Variants in MACROD2 observed in about 807,000 individuals in gnomAD.
The protein encoded by MACROD2 is mono-ADP ribosylhydrolase 2.
In MACROD2, 36 loss-of-function variants were observed where a neutral mutation model predicts 70.4. The ratio of observed to expected loss-of-function variants is 0.51; its 90% CI spans 0.39 to 0.68. The LOEUF is 0.68. Ranked by LOEUF, MACROD2 falls within the 30% of genes least tolerant of loss-of-function variation. MACROD2 has a pLI of 0.00. For synonymous variants in MACROD2, 172 were observed against 178.8 expected, an observed-to-expected ratio of 0.96 and a Z score of 0.30; for missense variants, 496 against 538.4, an observed-to-expected ratio of 0.92 and a Z score of 0.78.
At chr20:14,844,919 C>T (rs75680025) in intron 5 of MACROD2, among the ~76,000 whole-genome samples, 11,071 of 152,120 alleles carry the variant, frequency 0.073, 558 homozygotes, top group East Asian at 0.21. Context: ...ATTCCTGTCA[C>T]ATTGAGCTAT....
At chr20:14,029,775 T>C (rs1165960228) in intron 2 of MACROD2, among the ~76,000 whole-genome samples, 3 of 152,212 alleles carry the variant, frequency 2.0e-5, no homozygotes, top group South Asian at 2.1e-4. Context: ...TTGATATTCC[T>C]ATTCTAAAAT....
rs1050347195 is a variant in MACROD2 at position 15,710,565 on chromosome 20, C to T, written c.646-152180C>T. The stretch of plus-strand genomic sequence containing the variant: ...TCATCCAAAAGGGAAGTTATACTCT[C>T]ATTTTATCTCTAACAGATGTGGGCA... On this transcript the variant is annotated intron_variant, in intron 8 of 17. Transcript: ENST00000684519. Among the ~76,000 whole-genome samples, 6 of 152,192 alleles carry T rather than the reference C, an allele frequency of 3.9e-5. No individual in the cohort carries two copies. In the South Asian group the frequency reaches 1.0e-3, roughly 26 times the overall value.
chr20:14,470,615 C>A (rs955264709), intron 3 of MACROD2, among the ~76,000 whole-genome samples: 2 of 152,058 alleles, frequency 1.3e-5, no homozygotes, highest in Non-Finnish European at 2.9e-5. Context: ...TTCAGAGATT[C>A]CCTGCCTAGG....
chr20:14,719,128 A>G (rs1400542157), intron 5 of MACROD2, among the ~76,000 whole-genome samples: 2 of 152,100 alleles, frequency 1.3e-5, no homozygotes, highest in Non-Finnish European at 2.9e-5. Flanking sequence ...GCTACTTGGG[A>G]GTCTGAGGCA....
intron 5 of MACROD2, among the ~76,000 whole-genome samples, chr20:14,830,470 T>G (rs2072952274): frequency 6.6e-6 from 1 of 152,166 alleles, no homozygotes; most frequent in Admixed American, 6.5e-5. Flanking sequence ...CATACTGAGT[T>G]TGTTTTTTAC....
chr20:14,218,828 A>C (rs963191097), intron 3 of MACROD2, among the ~76,000 whole-genome samples: 2 of 152,078 alleles, frequency 1.3e-5, no homozygotes, highest in East Asian at 3.9e-4. Context: ...CTTGGCTGAT[A>C]ATTGTTTTGT....
In MACROD2 at chr20:14,819,441, C is replaced by A. The variant is rs564243483; in HGVS notation, c.418+134482C>A. Among the ~76,000 whole-genome samples the A allele has an allele frequency of 1.0e-3, 151 of 151,218 alleles. 1 individual carries two copies. Among genetic ancestry groups the A allele is most frequent in the African/African-American group, 3.4e-3 (139 of 41,182 alleles). ...ATTCAAGTTTCATTCACTTTTCCAG[C>A]AAATATTCTGTAGAAAATCCACTAT... On this transcript the variant is annotated intron_variant, in intron 5 of 17. Coordinates refer to ENST00000684519, the MANE Select transcript of MACROD2 (RefSeq NM_001351661.2).
intron 13 of MACROD2, among the ~76,000 whole-genome samples, chr20:15,985,519 G>A (rs369730093): frequency 2.6e-5 from 4 of 152,166 alleles, no homozygotes; most frequent in African/African-American, 7.2e-5. Context: ...TCAGATGTCC[G>A]GACTCCAAGT....
chr20:14,137,966 C>T (rs2054821733), intron 3 of MACROD2, among the ~76,000 whole-genome samples: 1 of 152,034 alleles, frequency 6.6e-6, no homozygotes, highest in Non-Finnish European at 1.5e-5. Context: ...GAATAGAAAA[C>T]TTTCCAAAGG....
chr20:14,142,746 G>A (rs2054893651), intron 3 of MACROD2, among the ~76,000 whole-genome samples: 1 of 152,082 alleles, frequency 6.6e-6, no homozygotes, highest in African/African-American at 2.4e-5. Context: ...ACATAGGCTT[G>A]ATAAACTTCT....
intron 8 of MACROD2, among the ~76,000 whole-genome samples, chr20:15,626,058 T>A (rs952331064): frequency 3.9e-5 from 6 of 152,044 alleles, no homozygotes; most frequent in Admixed American, 6.5e-5. Flanking sequence ...GTGGTGATAG[T>A]GATAATATGC....
intron 6 of MACROD2, among the ~76,000 whole-genome samples, chr20:15,261,855 G>A (rs1462434799): frequency 2.6e-5 from 4 of 151,830 alleles, no homozygotes; most frequent in Admixed American, 2.0e-4. Flanking sequence ...TAGTATTAAT[G>A]CACAGTGGGA....
chr20:16,015,795 G>T (rs1968994306), intron 15 of MACROD2, among the ~76,000 whole-genome samples: 1 of 152,112 alleles, frequency 6.6e-6, no homozygotes, highest in African/African-American at 2.4e-5. Context: ...TCGAAGCTGA[G>T]TGCCAGAACT....
At chr20:14,353,541 T>A (rs1438733067) in intron 3 of MACROD2, among the ~76,000 whole-genome samples, 1 of 152,112 alleles carries the variant, frequency 6.6e-6, no homozygotes, top group African/African-American at 2.4e-5. Flanking sequence ...TTAGAGTATT[T>A]TTAACCACAG....
chr20:14,796,287 CT>C (rs1734030891), intron 5 of MACROD2, among the ~76,000 whole-genome samples: 1 of 152,034 alleles, frequency 6.6e-6, no homozygotes, highest in South Asian at 2.1e-4. Flanking sequence ...ATCTCTTAGG[CT>C]TTTTCACTGT....
chr20:14,322,405 C>CTG (rs1338225067), intron 3 of MACROD2, among the ~76,000 whole-genome samples: 1 of 80,610 alleles, frequency 1.2e-5, no homozygotes, highest in Non-Finnish European at 3.1e-5. Context: ...TCAATATAAT[C>CTG]TCTTTTTTTT....
intron 5 of MACROD2, among the ~76,000 whole-genome samples, chr20:14,782,171 G>C (rs2072310388): frequency 1.3e-5 from 2 of 151,954 alleles, no homozygotes; most frequent in South Asian, 4.2e-4. Context: ...TGATCTGCCT[G>C]ATTTGGCCTC....
intron 6 of MACROD2, among the ~76,000 whole-genome samples, chr20:15,230,955 G>T (rs1282534577): frequency 3.9e-5 from 6 of 152,072 alleles, no homozygotes; most frequent in Non-Finnish European, 8.8e-5. Flanking sequence ...TTAAATGCTT[G>T]ATTTCATAGC....
intron 2 of MACROD2, among the ~76,000 whole-genome samples, chr20:14,032,508 GTAAC>G (rs2053257679): frequency 6.6e-6 from 1 of 152,108 alleles, no homozygotes; most frequent in Non-Finnish European, 1.5e-5. Context: ...GTAAAGACTA[GTAAC>G]GCCTTGCTGT....
Sources: allele counts gnomAD v4.1 joint callset (sites outside exome capture counted in the v4.1 genomes callset), GRCh38; gene constraint gnomAD v4.1.1; transcripts MANE v1.5; gene names NCBI Gene and HGNC (gene_info 2026-07-23, HGNC 2026-07-21).